GRM7: variants seen among roughly 807,000 people sequenced by gnomAD.
The protein encoded by GRM7 is glutamate metabotropic receptor 7.
A neutral mutation model predicts 84.5 loss-of-function variants in GRM7; 35 were observed. That is an observed-to-expected ratio of 0.41 (90% CI 0.32 to 0.55). The LOEUF (loss-of-function observed/expected upper bound fraction) is 0.55, where lower values mean the gene tolerates loss of function less well. Among genes scored for constraint, GRM7 ranks in the 20% least tolerant of loss-of-function variants. GRM7 has a pLI of 0.19. For synonymous variants in GRM7, 487 were observed against 455.1 expected, an observed-to-expected ratio of 1.07 and a Z score of -0.89; for missense variants, 1,003 against 1,194.6, an observed-to-expected ratio of 0.84 and a Z score of 2.36.
At chr3:7,683,240 G>T (rs537670430) in intron 9 of GRM7, among the ~76,000 whole-genome samples, 1 of 152,216 alleles carries the variant, frequency 6.6e-6, no homozygotes, top group East Asian at 1.9e-4. Flanking sequence ...CTCAAAGAAG[G>T]CTGCCCAGGT....
At chr3:7,407,276 GCCTCTTCAAGTCTCA>G (rs1559300152) in intron 4 of GRM7, among the ~76,000 whole-genome samples, 1 of 152,150 alleles carries the variant, frequency 6.6e-6, no homozygotes, top group Admixed American at 6.5e-5. Flanking sequence ...CCAGGTAGAT[GCCTCTTCAAGTCTCA>G]CCTCCTAAAT....
rs930092252 is a variant in GRM7 at position 6,871,724 on chromosome 3, C to T, written c.519+9817C>T. On this transcript the variant is annotated intron_variant, in intron 1 of 9. Transcript: ENST00000357716. Reference sequence around the variant, plus strand: ...ACACATCTATGATTTTATTTTAACACTATCATTATGTAAGCTATATTTTAA... The same window carrying T: ...ACACATCTATGATTTTATTTTAACATTATCATTATGTAAGCTATATTTTAA... Among the ~76,000 whole-genome samples the T allele has an allele frequency of 2.6e-5, 4 of 152,102 alleles. No homozygotes were observed. The South Asian group carries it at 8.3e-4, about 32-fold the overall frequency.
Position 7,665,374 on chromosome 3 carries a change from A to T in GRM7, c.2452-14675A>T, listed in dbSNP as rs1464033359. ...GTATTTTTAGTAGAGACGGGGTTTC[A>T]CCGTGTTAGCCAGGATGGTCTCGAT... is the stretch of plus-strand genomic sequence containing the variant. On this transcript the variant is annotated intron_variant, in intron 8 of 9. Coordinates refer to ENST00000357716, the MANE Select transcript of GRM7 (RefSeq NM_000844.4). Among the ~76,000 whole-genome samples, 5 of 151,550 alleles carry T rather than the reference A, an allele frequency of 3.3e-5. No homozygotes were observed. The East Asian group carries it at 9.7e-4, about 30-fold the overall frequency.
At chr3:7,031,404 A>G (rs1696177600) in intron 1 of GRM7, among the ~76,000 whole-genome samples, 1 of 144,902 alleles carries the variant, frequency 6.9e-6, no homozygotes, top group African/African-American at 2.8e-5. Context: ...AAATTTTTTA[A>G]ATTTTATTTA....
At chr3:7,209,850 GT>G (rs900975712) in intron 2 of GRM7, among the ~76,000 whole-genome samples, 1 of 152,078 alleles carries the variant, frequency 6.6e-6, no homozygotes, top group Non-Finnish European at 1.5e-5. Context: ...AATTTATTTT[GT>G]TTTTTTACAT....
At chr3:7,193,657 T>A (rs1242274782) in intron 2 of GRM7, among the ~76,000 whole-genome samples, 1 of 142,828 alleles carries the variant, frequency 7.0e-6, no homozygotes, top group Non-Finnish European at 1.5e-5. Context: ...ATTTCTGTAT[T>A]TCTCTTTCCT....
At chr3:7,338,717 A>G (rs1435899026) in intron 4 of GRM7, among the ~76,000 whole-genome samples, 1 of 151,952 alleles carries the variant, frequency 6.6e-6, no homozygotes, top group Admixed American at 6.6e-5. Flanking sequence ...AAACTGGAAA[A>G]TTCTCTTCAT....
chr3:7,262,044 G>A (rs1289099258), intron 2 of GRM7, among the ~76,000 whole-genome samples: 1 of 150,476 alleles, frequency 6.6e-6, no homozygotes, highest in Non-Finnish European at 1.5e-5. Context: ...TCCACTGTTA[G>A]TCTGATGGGC....
intron 1 of GRM7, among the ~76,000 whole-genome samples, chr3:7,022,326 GA>G (rs34326639): frequency 0.57 from 81,484 of 144,116 alleles, 23,451 homozygotes; most frequent in African/African-American, 0.69. Flanking sequence ...CTCTGGCTCA[GA>G]AAAAAAAAAA....
chr3:7,561,250 CCAA>C (rs1160546847), intron 7 of GRM7, among the ~76,000 whole-genome samples: 8 of 152,072 alleles, frequency 5.3e-5, no homozygotes, highest in Non-Finnish European at 8.8e-5. Context: ...AGTCTCTGCT[CCAA>C]TATTCTAGAA....
chr3:7,715,052 A>G (rs73023780), intron 9 of GRM7, among the ~76,000 whole-genome samples: 10,111 of 152,214 alleles, frequency 0.066, 390 homozygotes, highest in South Asian at 0.12. Context: ...GATTTGGGAG[A>G]TAAATAGCCG....
chr3:7,378,105 C>CAA (rs1694433620), intron 4 of GRM7, among the ~76,000 whole-genome samples: 3 of 152,284 alleles, frequency 2.0e-5, no homozygotes, highest in Admixed American at 1.3e-4. Context: ...GACTTCAAAG[C>CAA]TAAGCCACTC....
chr3:7,396,522 T>A (rs1416846986), intron 4 of GRM7, among the ~76,000 whole-genome samples: 1 of 152,158 alleles, frequency 6.6e-6, no homozygotes, highest in Non-Finnish European at 1.5e-5. Flanking sequence ...GATTTGCCCA[T>A]GTTTTATATT....
At chr3:7,142,446 C>T (rs961495608) in intron 1 of GRM7, among the ~76,000 whole-genome samples, 20 of 151,982 alleles carry the variant, frequency 1.3e-4, no homozygotes, top group African/African-American at 2.7e-4. Context: ...CTTCACAAGG[C>T]GGCAGGAAGA....
Position 7,097,068 on chromosome 3 carries a change from C to A in GRM7, c.520-49384C>A, listed in dbSNP as rs1303649614. Among the ~76,000 whole-genome samples, 8 of 152,214 alleles carry A rather than the reference C, an allele frequency of 5.3e-5. No homozygotes were observed. The East Asian group carries it at 1.5e-3, about 29-fold the overall frequency. On this transcript the variant is annotated intron_variant, in intron 1 of 9. Coordinates refer to ENST00000357716, the MANE Select transcript of GRM7 (RefSeq NM_000844.4). The stretch of plus-strand genomic sequence containing the variant: ...GAGGATACAATCCGAGTCTGGGGCA[C>A]AATTTAGTTTCCCACACTTTTCTGT...
At chr3:7,241,086 G>A (rs1483336599) in intron 2 of GRM7, among the ~76,000 whole-genome samples, 1 of 152,062 alleles carries the variant, frequency 6.6e-6, no homozygotes, top group Non-Finnish European at 1.5e-5. Flanking sequence ...CCATTGATAA[G>A]GCATGCATTA....
At chr3:6,972,929 GAC>G (rs1281055005) in intron 1 of GRM7, among the ~76,000 whole-genome samples, 1 of 152,218 alleles carries the variant, frequency 6.6e-6, no homozygotes, top group East Asian at 1.9e-4. Context: ...TTCTGTGCCT[GAC>G]ACAGAGTGAT....
chr3:6,867,925 T>A (rs1053565042), intron 1 of GRM7, among the ~76,000 whole-genome samples: 1 of 152,206 alleles, frequency 6.6e-6, no homozygotes, highest in African/African-American at 2.4e-5. Flanking sequence ...CAACTAAATG[T>A]TTTTTGAATC....
intron 2 of GRM7, among the ~76,000 whole-genome samples, chr3:7,249,552 C>T (rs75515351): frequency 0.023 from 3,522 of 152,078 alleles, 73 homozygotes; most frequent in African/African-American, 0.056. Flanking sequence ...TATAGTTTAA[C>T]GACAGAAACT....
Sources: gnomAD v4.1 joint callset for allele counts (sites outside exome capture counted in the v4.1 genomes callset) on GRCh38, gnomAD v4.1.1 for gene constraint, MANE v1.5 for transcripts, NCBI Gene and HGNC (gene_info 2026-07-23, HGNC 2026-07-21) for gene names.